CDK17: variants seen among roughly 807,000 people sequenced by gnomAD.
The protein encoded by CDK17 is cyclin dependent kinase 17.
Under a neutral mutation model 77.6 loss-of-function variants are expected in CDK17, and 24 were observed. The observed-to-expected ratio is 0.31, with a 90% CI of 0.22 to 0.44. The LOEUF (loss-of-function observed/expected upper bound fraction) is 0.44, where lower values mean the gene tolerates loss of function less well. Among genes scored for constraint, CDK17 ranks in the 20% least tolerant of loss-of-function variants. The probability of loss-of-function intolerance (pLI) is 1.00; values close to 1 mark genes in which losing one functional copy is unlikely to be tolerated. For missense variants in CDK17, 429 were observed against 622.5 expected (o/e 0.69, Z 3.31); for synonymous variants, 203 against 210.4 (o/e 0.96, Z 0.30).
At chr12:96,318,624 T>C (rs1389543737) in intron 3 of CDK17, among the ~76,000 whole-genome samples, 7 of 144,806 alleles carry the variant, frequency 4.8e-5, no homozygotes, top group African/African-American at 1.8e-4. Context: ...GCAATCAAAC[T>C]AGAACTCAGG....
rs551693079 is a variant in CDK17 at position 96,310,442 on chromosome 12, G to T, written c.543+610C>A. 2.0e-4 allele frequency among the ~76,000 whole-genome samples: 31 copies of T among 152,036 alleles called. No homozygotes were observed. In the South Asian group the frequency reaches 6.4e-3, roughly 32 times the overall value. ...AAACAAATAAGAATATATGTGAATG[G>T]GATTTTAGAAGATCCAGATACCAAA... On this transcript the variant is annotated intron_variant, in intron 5 of 16. Coordinates refer to ENST00000261211, the MANE Select transcript of CDK17 (RefSeq NM_002595.5).
chr12:96,391,848 T>G (rs556138519), intron 1 of CDK17, among the ~76,000 whole-genome samples: 1 of 152,184 alleles, frequency 6.6e-6, no homozygotes, highest in Non-Finnish European at 1.5e-5. Context: ...TGCTCTAGAT[T>G]GCTCTCACAC....
chr12:96,340,945 A>G (rs547934134), intron 1 of CDK17, among the ~76,000 whole-genome samples: 1 of 152,308 alleles, frequency 6.6e-6, no homozygotes, highest in East Asian at 1.9e-4. Flanking sequence ...TCACCAAAGT[A>G]GTACGTATAG....
At chr12:96,319,256 T>C (rs1184251369) in intron 3 of CDK17, among the ~76,000 whole-genome samples, 2 of 150,042 alleles carry the variant, frequency 1.3e-5, no homozygotes, top group Non-Finnish European at 3.0e-5. Flanking sequence ...CAGGAAGAAG[T>C]TGAATCTCTG....
chr12:96,383,405 A>AAG (rs1276730444), intron 1 of CDK17, among the ~76,000 whole-genome samples: 2 of 20,124 alleles, frequency 9.9e-5, no homozygotes, highest in African/African-American at 8.8e-4. Context: ...AAATTAGAAG[A>AAG]AAAAAAAAAA....
At chr12:96,329,407 C>T (rs1400540240) in intron 2 of CDK17, among the ~76,000 whole-genome samples, 2 of 152,120 alleles carry the variant, frequency 1.3e-5, no homozygotes, top group Non-Finnish European at 2.9e-5. Flanking sequence ...ATTTTTACCA[C>T]CACAACATGA....
intron 7 of CDK17, among the ~76,000 whole-genome samples, chr12:96,298,515 ATCT>A (rs1057392966): frequency 6.6e-6 from 1 of 152,144 alleles, no homozygotes; most frequent in East Asian, 1.9e-4. Flanking sequence ...TTTCTGAATA[ATCT>A]TCTTTATAAA....
At chr12:96,333,527 A>G (rs1366602855) in intron 2 of CDK17, among the ~76,000 whole-genome samples, 2 of 152,050 alleles carry the variant, frequency 1.3e-5, no homozygotes, top group African/African-American at 4.8e-5. Flanking sequence ...TAAAAAACTT[A>G]GCTGGGCATG....
At chr12:96,388,090 T>A (rs1954005869) in intron 1 of CDK17, among the ~76,000 whole-genome samples, 2 of 151,920 alleles carry the variant, frequency 1.3e-5, no homozygotes, top group African/African-American at 4.8e-5. Flanking sequence ...GGCAACATAG[T>A]GACATCTCAT....
intron 1 of CDK17, among the ~76,000 whole-genome samples, chr12:96,362,579 T>A (rs1027149963): frequency 2.0e-5 from 3 of 152,070 alleles, no homozygotes; most frequent in Admixed American, 6.6e-5. Flanking sequence ...GATTCTCTAA[T>A]ATCCTATCTG....
intron 1 of CDK17, among the ~76,000 whole-genome samples, chr12:96,338,633 C>T (rs1339326491): frequency 5.9e-5 from 9 of 152,148 alleles, no homozygotes; most frequent in East Asian, 1.9e-4. Flanking sequence ...TCAAGTGATC[C>T]GCTCACCTCG....
At chr12:96,297,218 T>C in intron 9 of CDK17, 52 bp downstream of exon 9, 1 of 1,135,426 alleles carries the variant, frequency 8.8e-7, no homozygotes, top group Non-Finnish European at 1.3e-6. Context: ...TATATAATGG[T>C]TCACCTATGC....
intron 1 of CDK17, among the ~76,000 whole-genome samples, chr12:96,358,949 T>C (rs1350616708): frequency 6.8e-6 from 1 of 147,422 alleles, no homozygotes; most frequent in Non-Finnish European, 1.5e-5. Flanking sequence ...TCTCAACAGA[T>C]GACTTTCCAA....
chr12:96,382,970 AC>A (rs1953910606), intron 1 of CDK17, among the ~76,000 whole-genome samples: 1 of 152,124 alleles, frequency 6.6e-6, no homozygotes, highest in Non-Finnish European at 1.5e-5. Flanking sequence ...GAGAAAGAAG[AC>A]ATCAAATTAT....
At chr12:96,291,896 T>C in intron 10 of CDK17, among the ~76,000 whole-genome samples, 1 of 152,020 alleles carries the variant, frequency 6.6e-6, no homozygotes, top group East Asian at 1.9e-4. Context: ...TTCTCTTCAC[T>C]GCCATTCATT....
chr12:96,297,845 C>T (rs1034428918), intron 7 of CDK17, 124 bp from the exon 8 acceptor site: 38 of 541,234 alleles, frequency 7.0e-5, no homozygotes, highest in Non-Finnish European at 9.5e-5. Flanking sequence ...TGGCTCACCC[C>T]TATAATCCCA....
intron 1 of CDK17, 32 bp downstream of exon 1, chr12:96,399,954 A>G (rs1256368052): frequency 5.5e-6 from 2 of 365,106 alleles, no homozygotes; most frequent in Non-Finnish European, 9.7e-6. Flanking sequence ...CACCAGGGGA[A>G]AGCGCGGCGC....
intron 3 of CDK17, among the ~76,000 whole-genome samples, chr12:96,315,767 T>C (rs996159005): frequency 2.0e-5 from 3 of 152,098 alleles, no homozygotes; most frequent in African/African-American, 4.8e-5. Context: ...ACTCTATCAG[T>C]GTCTTAGGAG....
chr12:96,300,394 CTTTTTT>C (rs372691382), intron 5 of CDK17, 34 bp from the exon 6 acceptor site: 20 of 925,078 alleles, frequency 2.2e-5, no homozygotes, highest in Admixed American at 7.7e-5. Context: ...GTAGTATTTA[CTTTTTT>C]TTTTTTTTTT....
Sources: allele counts gnomAD v4.1 joint callset (sites outside exome capture counted in the v4.1 genomes callset), GRCh38; gene constraint gnomAD v4.1.1; transcripts MANE v1.5; gene names NCBI Gene and HGNC (gene_info 2026-07-23, HGNC 2026-07-21).